The following PCDHA4 variants were observed in gnomAD, a reference collection of about 807,000 sequenced individuals.
PCDHA4 encodes protocadherin alpha-4.
Under a neutral mutation model 61.4 loss-of-function variants are expected in PCDHA4, and 49 were observed. That is an observed-to-expected ratio of 0.80 (90% confidence interval 0.63 to 1.01). PCDHA4 has a LOEUF of 1.01. Among genes scored for constraint, PCDHA4 ranks in the 50% least tolerant of loss-of-function variants. PCDHA4 has a pLI of 0.00. For synonymous variants in PCDHA4, 590 were observed against 550.3 expected (o/e 1.07, Z -1.01); for missense variants, 1,254 against 1,235.8 (o/e 1.01, Z -0.22).
chr5:140,853,955 T>A, intron 1 of PCDHA4: 1 of 752,642 alleles, frequency 1.3e-6, no homozygotes, highest in Non-Finnish European at 1.7e-6. Flanking sequence ...GGTCCCTTCC[T>A]TGAGCCCAGC....
chr5:140,841,660 G>T (rs2150320374), intron 1 of PCDHA4: 29 of 1,614,122 alleles, frequency 1.8e-5, no homozygotes, highest in Non-Finnish European at 2.5e-5. Context: ...TGGACAGGCC[G>T]CTGCAGGTTT....
chr5:140,884,798 A>C, intron 1 of PCDHA4: 3 of 1,275,332 alleles, frequency 2.4e-6, no homozygotes, highest in Non-Finnish European at 3.2e-6. Flanking sequence ...TATCGAATTT[A>C]ACAACTCTGC....
intron 1 of PCDHA4, among the ~76,000 whole-genome samples, chr5:140,907,337 A>G (rs2073315694): frequency 6.6e-6 from 1 of 152,210 alleles, no homozygotes; most frequent in Non-Finnish European, 1.5e-5. Flanking sequence ...TTCCATATGC[A>G]TGAGCCCGCT....
intron 1 of PCDHA4, chr5:140,824,899 A>C (rs2150137635): frequency 1.3e-5 from 2 of 152,270 alleles, no homozygotes; most frequent in East Asian, 3.9e-4. Context: ...AACTTTGCCT[A>C]AGCAGTTCAC....
At chr5:140,903,202 C>T (rs1322362050) in intron 1 of PCDHA4, among the ~76,000 whole-genome samples, 4 of 152,184 alleles carry the variant, frequency 2.6e-5, no homozygotes, top group Admixed American at 2.0e-4. Context: ...GTGTCCTTTT[C>T]ACCACATTCA....
intron 1 of PCDHA4, chr5:140,830,234 CT>C (rs2150183232): frequency 6.2e-7 from 1 of 1,613,834 alleles, no homozygotes; most frequent in Non-Finnish European, 8.5e-7. Flanking sequence ...GGTCCTCACG[CT>C]ACTGCTGTAC....
intron 1 of PCDHA4, among the ~76,000 whole-genome samples, chr5:140,974,864 C>A (rs949061887): frequency 3.9e-5 from 6 of 152,124 alleles, no homozygotes; most frequent in Non-Finnish European, 8.8e-5. Flanking sequence ...TGCCTTAATG[C>A]GGAACAGTCT....
chr5:140,847,794 A>G (rs1581138286), intron 1 of PCDHA4: 1 of 149,890 alleles, frequency 6.7e-6, no homozygotes, highest in Admixed American at 6.7e-5. Context: ...GCAATATTTT[A>G]TACCTTTTCA....
chr5:140,902,622 A>C (rs1328816868), intron 1 of PCDHA4, among the ~76,000 whole-genome samples: 2 of 152,068 alleles, frequency 1.3e-5, no homozygotes, highest in Non-Finnish European at 2.9e-5. Flanking sequence ...TGGGTAAGTT[A>C]TTTAGTGGTG....
chr5:140,969,129 C>G (rs576180714), intron 1 of PCDHA4: 4 of 1,614,144 alleles, frequency 2.5e-6, no homozygotes, highest in Admixed American at 1.7e-5. Context: ...GGCTCCCTCA[C>G]CAAGACCTAC....
intron 1 of PCDHA4, chr5:140,870,941 C>T: frequency 6.2e-7 from 1 of 1,613,712 alleles, no homozygotes; most frequent in Non-Finnish European, 8.5e-7. Context: ...TTGCAGCCGG[C>T]GGCGGGCGGC....
At chr5:140,997,291 G>C (rs2097766119) in intron 3 of PCDHA4, among the ~76,000 whole-genome samples, 1 of 152,030 alleles carries the variant, frequency 6.6e-6, no homozygotes, top group African/African-American at 2.4e-5. Flanking sequence ...TTAACAATGG[G>C]GATACACTGA....
At chr5:140,857,747 T>A in intron 1 of PCDHA4, 1 of 1,597,058 alleles carries the variant, frequency 6.3e-7, no homozygotes, top group Non-Finnish European at 8.6e-7. Flanking sequence ...GCTGCTGGCG[T>A]CTCCCGCTGG....
At chr5:140,830,353 G>A in intron 1 of PCDHA4, 1 of 1,614,150 alleles carries the variant, frequency 6.2e-7, no homozygotes, top group Non-Finnish European at 8.5e-7. Context: ...CGCAGCAGAG[G>A]CGGCAGAGGG....
In PCDHA4 at chr5:140,871,059, T is replaced by A. The variant is rs781936875; in HGVS notation, c.2385+61487T>A. 4.3e-6 allele frequency: 7 copies of A among 1,613,256 alleles called. No homozygotes were observed. In the South Asian group the frequency reaches 7.7e-5, roughly 18 times the overall value. On this transcript the variant is annotated intron_variant, in intron 1 of 3. Transcript: ENST00000530339. ...ACCGACTTCTAGTACTGGTGAAGGA[T>A]CACGGTGAGCCGGCGCTGACGGCCA...
At chr5:140,877,198 G>C (rs781787046) in intron 1 of PCDHA4, 26 of 1,613,712 alleles carry the variant, frequency 1.6e-5, no homozygotes, top group Non-Finnish European at 2.2e-5. Flanking sequence ...CGCAGGAGGC[G>C]CAGTTAGCGA....
At chr5:141,002,600 A>G (rs1269340072) in intron 3 of PCDHA4, among the ~76,000 whole-genome samples, 1 of 152,204 alleles carries the variant, frequency 6.6e-6, no homozygotes, top group Non-Finnish European at 1.5e-5. Flanking sequence ...CCCCTCATCT[A>G]TAAAACAGAC....
Position 140,877,431 on chromosome 5 carries a change from C to T in PCDHA4, c.2385+67859C>T, listed in dbSNP as rs782442127. 8.1e-6 allele frequency: 13 copies of T among 1,613,836 alleles called. No homozygotes were observed. The Admixed American group carries it at 2.2e-4, about 27-fold the overall frequency. On this transcript the variant is annotated intron_variant, in intron 1 of 3. Transcript: ENST00000530339. ...ACCGCCTGCTGGTGCTGGTGAAGGA[C>T]CACGGTGAGCCCGCGCTGACGTCCA...
intron 2 of PCDHA4, among the ~76,000 whole-genome samples, chr5:140,980,943 T>C (rs573281233): frequency 1.6e-4 from 25 of 152,172 alleles, no homozygotes; most frequent in Non-Finnish European, 3.1e-4. Context: ...CTGAGCTGGC[T>C]CCAGGATAGT....
Sources: allele counts gnomAD v4.1 joint callset (sites outside exome capture counted in the v4.1 genomes callset), GRCh38; gene constraint gnomAD v4.1.1; transcripts MANE v1.5; gene names NCBI Gene and HGNC (gene_info 2026-07-23, HGNC 2026-07-21).